The following PTGR2 variants were observed in gnomAD, a reference collection of about 807,000 sequenced individuals.
PTGR2 encodes 15-oxoprostaglandin 13-reductase.
A neutral mutation model predicts 43.4 loss-of-function variants in PTGR2; 32 were observed. That is an observed-to-expected ratio of 0.74 (90% CI 0.56 to 0.99). PTGR2 has a LOEUF of 0.99. Among genes scored for constraint, PTGR2 ranks in the 50% least tolerant of loss-of-function variants. The probability of loss-of-function intolerance (pLI) is 0.00; values close to 1 mark genes in which losing one functional copy is unlikely to be tolerated. For missense variants in PTGR2, 373 were observed against 420.0 expected (o/e 0.89, Z 0.98); for synonymous variants, 106 against 139.2 (o/e 0.76, Z 1.68).
At chr14:73,856,527 A>G (rs1307242843) in intron 1 of PTGR2, among the ~76,000 whole-genome samples, 1 of 152,152 alleles carries the variant, frequency 6.6e-6, no homozygotes, top group African/African-American at 2.4e-5. Context: ...CTGGGATTAC[A>G]AGGGTGAGCC....
Position 73,858,812 on chromosome 14 carries a change from A to G in PTGR2, c.-47-4A>G. 1.4e-6 allele frequency: 2 copies of G among 1,467,596 alleles called. No individual in the cohort carries two copies. The highest frequency in any genetic ancestry group is 1.9e-6 in the Non-Finnish European group (2 of 1,067,904). 90.9% of individuals were successfully genotyped at this position (1,467,596 alleles called of 1,614,324 possible). ...TTGTGATTTAAAAATTTTTTTATTT[A>G]TAGGAGTATTTTATACAGAAATCTT... is the stretch of plus-strand genomic sequence containing the variant. On this transcript the variant is annotated splice_polypyrimidine_tract_variant and splice_region_variant and intron_variant, in intron 1 of 9. Coordinates refer to ENST00000555661, the MANE Select transcript of PTGR2 (RefSeq NM_001146154.2).
intron 9 of PTGR2, among the ~76,000 whole-genome samples, chr14:73,882,973 G>A (rs973314189): frequency 4.0e-5 from 6 of 149,832 alleles, no homozygotes; most frequent in African/African-American, 1.5e-4. Context: ...GGCGTGCACT[G>A]GTATGCCTGG....
chr14:73,859,008 T>C, intron 2 of PTGR2, 109 bp downstream of exon 2: 2 of 787,098 alleles, frequency 2.5e-6, no homozygotes, highest in South Asian at 1.8e-5. Flanking sequence ...TAGTAAGATA[T>C]TGACACTAGT....
intron 9 of PTGR2, among the ~76,000 whole-genome samples, chr14:73,883,224 G>T (rs1374406673): frequency 5.1e-5 from 3 of 59,374 alleles, no homozygotes. Context: ...TTTTTTTAAA[G>T]AGATGATCTT....
intron 3 of PTGR2, among the ~76,000 whole-genome samples, chr14:73,865,268 C>T (rs2054575820): frequency 6.6e-6 from 1 of 152,132 alleles, no homozygotes; most frequent in Non-Finnish European, 1.5e-5. Context: ...GCCCAGGAAG[C>T]CATGGGTGCA....
chr14:73,873,809 A>C (rs1037262891), intron 3 of PTGR2, among the ~76,000 whole-genome samples: 3 of 152,124 alleles, frequency 2.0e-5, no homozygotes, highest in African/African-American at 7.2e-5. Context: ...CACTGTTCCC[A>C]GCCAGTGGCA....
intron 3 of PTGR2, among the ~76,000 whole-genome samples, chr14:73,863,619 C>CT (rs1263397731): frequency 1.9e-3 from 273 of 142,778 alleles, no homozygotes; most frequent in Middle Eastern, 7.3e-3. Flanking sequence ...TTCAGGCTCT[C>CT]TTTTTTTTTT....
At chr14:73,874,679 G>A in intron 4 of PTGR2, 2 of 438,434 alleles carry the variant, frequency 4.6e-6, no homozygotes, top group East Asian at 7.2e-5. Flanking sequence ...GATTACAGGT[G>A]TGAGCTTGAA....
At chr14:73,871,341 C>CTTTTTTTTTTT (rs869073652) in intron 3 of PTGR2, among the ~76,000 whole-genome samples, 17 of 67,856 alleles carry the variant, frequency 2.5e-4, no homozygotes, top group Admixed American at 3.6e-4. Context: ...GGCTGTTCAT[C>CTTTTTTTTTTT]TTTTTTTTTT....
At chr14:73,870,906 A>G (rs910121138) in intron 3 of PTGR2, among the ~76,000 whole-genome samples, 8 of 152,234 alleles carry the variant, frequency 5.3e-5, no homozygotes, top group African/African-American at 1.9e-4. Context: ...ATTGTGATTT[A>G]TAATAGGAAA....
Position 73,876,483 on chromosome 14 carries a change from C to CTTTTTTTTTTTT in PTGR2, c.349-510_349-499dup, listed in dbSNP as rs766810794. ...TCTTCTTCTTCTAAGGACATAAGTC[C>CTTTTTTTTTTTT]TTTTTTTTTTTTTTTTGAGATGAAG... On this transcript the variant is annotated intron_variant, in intron 4 of 9. Transcript: ENST00000555661. 4.9e-3 allele frequency among the ~76,000 whole-genome samples: 527 copies of CTTTTTTTTTTTT among 108,482 alleles called. 40 individuals carry two copies. Among genetic ancestry groups the CTTTTTTTTTTTT allele is most frequent in the African/African-American group, 0.016 (473 of 29,636 alleles). The allele number at this position is 108,482 out of a possible 152,430, so 71.2% of individuals were successfully genotyped here.
chr14:73,854,593 TAAAC>T lies in PTGR2; in HGVS notation c.-48+2654_-48+2657del, dbSNP rs568567132. Among the ~76,000 whole-genome samples the T allele has an allele frequency of 2.4e-3, 367 of 152,290 alleles. 1 individual carries two copies. Among genetic ancestry groups the T allele is most frequent in the Admixed American group, 5.0e-3 (76 of 15,288 alleles). The stretch of plus-strand genomic sequence containing the variant: ...ATCTATAATATACATATTAATATGT[TAAAC>T]AAATAAAGCATACCATTGACAGTAA... On this transcript the variant is annotated intron_variant, in intron 1 of 9. Transcript: ENST00000555661.
At chr14:73,868,797 AAAG>A (rs946207370) in intron 3 of PTGR2, among the ~76,000 whole-genome samples, 3 of 148,684 alleles carry the variant, frequency 2.0e-5, no homozygotes, top group Non-Finnish European at 2.9e-5. Flanking sequence ...TAAAAAAAAA[AAAG>A]AAGACTCTGG....
chr14:73,882,344 CAT>C, intron 8 of PTGR2, 53 bp from the exon 9 acceptor site: 1 of 1,073,292 alleles, frequency 9.3e-7, no homozygotes, highest in East Asian at 2.4e-5. Flanking sequence ...TGGAAACTAT[CAT>C]ATAGAAACAT....
chr14:73,860,694 CTTTAT>C (rs1218372127), intron 3 of PTGR2, 37 bp downstream of exon 3: 4 of 973,020 alleles, frequency 4.1e-6, no homozygotes, highest in East Asian at 2.4e-5. Flanking sequence ...TGAAAAATAA[CTTTAT>C]TTTATTATTT....
chr14:73,853,193 G>T (rs1417399572), intron 1 of PTGR2, among the ~76,000 whole-genome samples: 3 of 149,902 alleles, frequency 2.0e-5, no homozygotes, highest in Admixed American at 1.3e-4. Flanking sequence ...CGAAATAAGG[G>T]TATTAAAAGG....
intron 1 of PTGR2, among the ~76,000 whole-genome samples, chr14:73,854,795 CAT>C (rs1010421375): frequency 1.3e-5 from 2 of 152,194 alleles, no homozygotes; most frequent in South Asian, 2.1e-4. Context: ...CTTTTTAAAA[CAT>C]ATGTAGCCCT....
chr14:73,874,696 A>G (rs2054816635), intron 4 of PTGR2: 4 of 423,110 alleles, frequency 9.5e-6, no homozygotes, highest in Non-Finnish European at 1.9e-5. Flanking sequence ...TGAAGTTTTT[A>G]TAGCTAAAGG....
chr14:73,854,398 A>G (rs1053342230), intron 1 of PTGR2, among the ~76,000 whole-genome samples: 1 of 152,160 alleles, frequency 6.6e-6, no homozygotes, highest in Non-Finnish European at 1.5e-5. Context: ...CACCGTGCCC[A>G]GCCAAGTTAT....
Sources: allele counts gnomAD v4.1 joint callset (sites outside exome capture counted in the v4.1 genomes callset), GRCh38; gene constraint gnomAD v4.1.1; transcripts MANE v1.5; gene names NCBI Gene and HGNC (gene_info 2026-07-23, HGNC 2026-07-21).